The following CYLC1 variants were observed in gnomAD, a reference collection of about 807,000 sequenced individuals.
The protein encoded by CYLC1 is cylicin 1, also known as cylicin-1.
In CYLC1, 2 loss-of-function variants were observed where a neutral mutation model predicts 31.6. That is an observed-to-expected ratio of 0.06 (90% confidence interval 0.03 to 0.20). CYLC1 has a LOEUF of 0.20. Ranked by LOEUF, CYLC1 falls within the 10% of genes least tolerant of loss-of-function variation. The pLI, the probability that CYLC1 is intolerant of heterozygous loss-of-function variation, is 1.00. For synonymous variants in CYLC1, 185 were observed against 153.0 expected (o/e 1.21, Z -1.54); for missense variants, 595 against 424.1 (o/e 1.40, Z -3.54).
chrX:83,877,951 T>TAC (rs2031805254), intron 4 of CYLC1, among the ~76,000 whole-genome samples: 1 of 77,795 alleles, frequency 1.3e-5, no homozygotes, highest in African/African-American at 4.8e-5. Context: ...TATTTGTATA[T>TAC]AAATATAAAT....
At chrX:83,880,905 AAATT>A (rs1218483144) in intron 4 of CYLC1, among the ~76,000 whole-genome samples, 2 of 111,772 alleles carry the variant, frequency 1.8e-5, no homozygotes, top group African/African-American at 3.3e-5. Context: ...CTCCTCAATA[AAATT>A]AATTAATTGA....
intron 1 of CYLC1, among the ~76,000 whole-genome samples, chrX:83,865,723 A>T (rs1441662806): frequency 9.0e-6 from 1 of 111,062 alleles, no homozygotes; most frequent in Non-Finnish European, 1.9e-5. Context: ...AATCTCTGCA[A>T]TGTTGTCATA....
Position 83,864,117 on chromosome X carries a change from A to C in CYLC1, c.17+2918A>C, listed in dbSNP as rs1171976738. ...GATTTCCTTTTCTTATAAGAACACT[A>C]GTCACTTAGATTAGGGCACAACTTA... On this transcript the variant is annotated intron_variant, in intron 1 of 4. Transcript: ENST00000329312. 4.5e-5 allele frequency among the ~76,000 whole-genome samples: 5 copies of C among 111,611 alleles called. No homozygotes were observed. The South Asian group carries it at 1.5e-3, about 34-fold the overall frequency.
In CYLC1 at chrX:83,873,792, G is replaced by C. The variant is rs780471181; in HGVS notation, c.1084G>C (p.Asp362His). The C allele has an allele frequency of 1.7e-5, 20 of 1,186,708 alleles. No individual in the cohort carries two copies. The highest frequency in any genetic ancestry group is 1.9e-5 in the Non-Finnish European group (17 of 882,821). The change falls in exon 4 of 5, where the codon GAC (aspartate) becomes CAC (histidine). Residue 362 changes from aspartate (D) to histidine (H), a missense_variant. Transcript: ENST00000329312. ...KKLKKDDKKKDTKKYPESTDT... is the reference protein window; with the variant it reads ...KKLKKDDKKKHTKKYPESTDT... ...ATTAAAGAAAGATGACAAGAAAAAG[G>C]ACACAAAGAAGTACCCAGAGTCTAC...
intron 3 of CYLC1, among the ~76,000 whole-genome samples, chrX:83,871,955 C>G (rs2031671933): frequency 9.0e-6 from 1 of 111,257 alleles, no homozygotes; most frequent in South Asian, 3.7e-4. Flanking sequence ...AAGTTTTCTA[C>G]TGTTTCTCTA....
chrX:83,868,355 AT>A (rs1190360027), intron 1 of CYLC1, among the ~76,000 whole-genome samples: 1 of 110,812 alleles, frequency 9.0e-6, no homozygotes, highest in Non-Finnish European at 1.9e-5. Flanking sequence ...TTCTATTTCC[AT>A]TATTAGAGGA....
intron 1 of CYLC1, among the ~76,000 whole-genome samples, chrX:83,869,235 C>T (rs923593451): frequency 1.4e-4 from 16 of 110,383 alleles, no homozygotes; most frequent in African/African-American, 5.3e-4. Flanking sequence ...AATTTTAAAG[C>T]TCAGGAGTAC....
At chrX:83,877,920 A>ATATATATAAATATATATATATTTG (rs1475752371) in intron 4 of CYLC1, among the ~76,000 whole-genome samples, 1 of 80,669 alleles carries the variant, frequency 1.2e-5, no homozygotes, top group Non-Finnish European at 2.3e-5. Context: ...ATATATATAT[A>ATATATATAAATATATATATATTTG]TATATAAATA....
At chrX:83,878,706 G>T (rs1030795638) in intron 4 of CYLC1, among the ~76,000 whole-genome samples, 2 of 102,894 alleles carry the variant, frequency 1.9e-5, no homozygotes, top group African/African-American at 7.0e-5. Context: ...ATTAAAACAA[G>T]TATTTTTTTA....
intron 4 of CYLC1, among the ~76,000 whole-genome samples, chrX:83,876,330 T>C (rs764978485): frequency 2.7e-5 from 3 of 110,383 alleles, no homozygotes; most frequent in Non-Finnish European, 3.8e-5. Context: ...AGTGTGACAA[T>C]ACTTATAAGA....
chrX:83,878,853 CTT>C (rs1334995157), intron 4 of CYLC1, among the ~76,000 whole-genome samples: 6 of 94,447 alleles, frequency 6.4e-5, no homozygotes, highest in African/African-American at 3.8e-5. Flanking sequence ...TTTCTCCTTC[CTT>C]TTTTTTTTTT....
At chrX:83,877,237 T>G (rs73513434) in intron 4 of CYLC1, among the ~76,000 whole-genome samples, 4,028 of 110,741 alleles carry the variant, frequency 0.036, 179 homozygotes, top group African/African-American at 0.12. Context: ...TGAATCCACT[T>G]TCCTTATCTC....
At chrX:83,866,098 A>G (rs894738143) in intron 1 of CYLC1, among the ~76,000 whole-genome samples, 5 of 111,579 alleles carry the variant, frequency 4.5e-5, no homozygotes, top group Non-Finnish European at 7.5e-5. Context: ...TAAATCATCT[A>G]AATCAGATAT....
intron 2 of CYLC1, among the ~76,000 whole-genome samples, chrX:83,870,482 A>G (rs960728623): frequency 1.8e-5 from 2 of 111,747 alleles, no homozygotes; most frequent in Admixed American, 1.9e-4. Flanking sequence ...TAAATAATAA[A>G]TAATTAATAA....
intron 4 of CYLC1, among the ~76,000 whole-genome samples, chrX:83,884,588 G>A (rs1470483242): frequency 9.0e-6 from 1 of 111,089 alleles, no homozygotes; most frequent in African/African-American, 3.3e-5. Context: ...ACTTACTCAT[G>A]TAACCAAACA....
At chrX:83,871,291 C>A (rs2031660413) in intron 2 of CYLC1, among the ~76,000 whole-genome samples, 161 bp from the exon 3 acceptor site, 1 of 110,581 alleles carries the variant, frequency 9.0e-6, no homozygotes. Flanking sequence ...TTTATTTTCT[C>A]TGATTGCTAT....
chrX:83,871,284 A>G (rs774171472), intron 2 of CYLC1, among the ~76,000 whole-genome samples, 168 bp from the exon 3 acceptor site: 10 of 111,039 alleles, frequency 9.0e-5, no homozygotes, highest in Non-Finnish European at 1.7e-4. Flanking sequence ...AATGGTTTTT[A>G]TTTTCTCTGA....
intron 3 of CYLC1, among the ~76,000 whole-genome samples, chrX:83,871,783 T>C (rs1296329810): frequency 9.0e-6 from 1 of 110,778 alleles, no homozygotes; most frequent in Non-Finnish European, 1.9e-5. Flanking sequence ...CTAAGCAAGC[T>C]GGAGAACCTA....
At chrX:83,862,131 T>C (rs2031516146) in intron 1 of CYLC1, among the ~76,000 whole-genome samples, 1 of 111,893 alleles carries the variant, frequency 8.9e-6, no homozygotes, top group African/African-American at 3.2e-5. Flanking sequence ...TAGAAAGGAA[T>C]TGCAGACATT....
Sources: gnomAD v4.1 joint callset for allele counts (sites outside exome capture counted in the v4.1 genomes callset) on GRCh38, gnomAD v4.1.1 for gene constraint, MANE v1.5 for transcripts, NCBI Gene and HGNC (gene_info 2026-07-23, HGNC 2026-07-21) for gene names.